Variants in ZNF695 observed in about 807,000 individuals in gnomAD.
ZNF695 encodes the protein zinc finger protein 695, also known as zinc finger protein SBZF3.
ZNF695 carries 11 observed loss-of-function variants against 11.2 expected under a neutral mutation model. The ratio of observed to expected loss-of-function variants is 0.98; its 90% confidence interval spans 0.62 to 1.62. The LOEUF (loss-of-function observed/expected upper bound fraction) is 1.62. ZNF695 is among the 40% of genes most tolerant of loss of function. ZNF695 has a pLI of 0.00. For synonymous variants in ZNF695, 190 were observed against 201.4 expected, an observed-to-expected ratio of 0.94 and a Z score of 0.48; for missense variants, 559 against 590.5, an observed-to-expected ratio of 0.95 and a Z score of 0.55.
intron 5 of ZNF695, among the ~76,000 whole-genome samples, chr1:246,958,906 T>C (rs1668076860): frequency 6.6e-6 from 1 of 151,968 alleles, no homozygotes; most frequent in Non-Finnish European, 1.5e-5. Flanking sequence ...GAAGAAGAAG[T>C]GTCTTGTAAA....
intron 3 of ZNF695, among the ~76,000 whole-genome samples, chr1:246,990,790 T>C (rs1487116431): frequency 6.6e-6 from 1 of 152,086 alleles, no homozygotes; most frequent in South Asian, 2.1e-4. Flanking sequence ...GGAATAAAAC[T>C]AGAATGAAAA....
intron 4 of ZNF695, among the ~76,000 whole-genome samples, chr1:246,976,225 G>A (rs1243242787): frequency 6.6e-6 from 1 of 152,146 alleles, no homozygotes; most frequent in Non-Finnish European, 1.5e-5. Context: ...GCAGAAACTA[G>A]ATGTGGCACA....
intron 4 of ZNF695, among the ~76,000 whole-genome samples, chr1:246,979,653 T>C (rs959585034): frequency 2.6e-5 from 4 of 152,194 alleles, no homozygotes; most frequent in African/African-American, 7.2e-5. Context: ...CTAACCATAT[T>C]TCTTAAATTA....
chr1:246,955,260 A>G (rs1324263553), intron 5 of ZNF695, among the ~76,000 whole-genome samples: 1 of 152,204 alleles, frequency 6.6e-6, no homozygotes, highest in Non-Finnish European at 1.5e-5. Context: ...AAAATAGACC[A>G]ATACAGGCCT....
chr1:246,984,844 T>C (rs1300545044), downstream of ZNF695, among the ~76,000 whole-genome samples: 7 of 152,330 alleles, frequency 4.6e-5, no homozygotes, highest in African/African-American at 1.7e-4. Flanking sequence ...AAAATCATTA[T>C]TATAATCCCT....
rs147607082 is a variant in ZNF695 at position 247,003,936 on chromosome 1, G to A, written c.4-3862C>T. Among the ~76,000 whole-genome samples the A allele has an allele frequency of 1.5e-3, 223 of 152,294 alleles. 1 individual carries two copies. Among genetic ancestry groups the A allele is most frequent in the African/African-American group, 5.0e-3 (206 of 41,560 alleles). On this transcript the variant is annotated intron_variant, in intron 1 of 3. Transcript: ENST00000339986. ...ACAGTAAAAATTTTTTCTTAGGGCC[G>A]GGCATGTGGCTCATGCCTGTAATCC...
intron 4 of ZNF695, among the ~76,000 whole-genome samples, chr1:246,974,391 A>G (rs1327937444): frequency 6.6e-6 from 1 of 150,662 alleles, no homozygotes; most frequent in African/African-American, 2.5e-5. Flanking sequence ...CAGAGCTAAG[A>G]TACAGTAGAC....
chr1:246,965,714 G>A (rs1668273444), intron 5 of ZNF695, among the ~76,000 whole-genome samples: 2 of 151,842 alleles, frequency 1.3e-5, no homozygotes, highest in Non-Finnish European at 2.9e-5. Context: ...GACCATACGA[G>A]CTGAGATCGT....
chr1:246,982,036 C>A (rs545655868), downstream of ZNF695, among the ~76,000 whole-genome samples: 25 of 152,020 alleles, frequency 1.6e-4, no homozygotes, highest in Admixed American at 2.0e-4. Context: ...TTTGAGAGGA[C>A]GAGGTGGGCG....
At chr1:246,985,246 C>T (rs1270755100), downstream of ZNF695, 1 of 971,752 alleles carries the variant, frequency 1.0e-6, no homozygotes, top group African/African-American at 1.8e-5. Context: ...TTTTGCAGGC[C>T]AGAAAAGCCA....
At chr1:247,003,159 A>G (rs995299153) in intron 1 of ZNF695, among the ~76,000 whole-genome samples, 2 of 152,232 alleles carry the variant, frequency 1.3e-5, no homozygotes, top group South Asian at 2.1e-4. Flanking sequence ...AGACACATGC[A>G]TGTGTATGTT....
intron 4 of ZNF695, chr1:246,969,355 T>C (rs368866772): frequency 6.6e-6 from 1 of 152,376 alleles, no homozygotes; most frequent in East Asian, 1.9e-4. Flanking sequence ...TGCTAAAGCA[T>C]AGCAAGAGTG....
At chr1:246,982,556 T>C (rs1255346248), downstream of ZNF695, among the ~76,000 whole-genome samples, 35 of 152,224 alleles carry the variant, frequency 2.3e-4, no homozygotes, top group Non-Finnish European at 4.4e-5. Context: ...CCTATTCTAA[T>C]TAATTATACA....
intron 4 of ZNF695, among the ~76,000 whole-genome samples, chr1:246,975,444 T>C (rs983716856): frequency 6.6e-6 from 1 of 152,240 alleles, no homozygotes; most frequent in Non-Finnish European, 1.5e-5. Context: ...TTCTAGAAGC[T>C]TAGTCTACGG....
At chr1:246,971,589 T>A (rs558872461) in intron 4 of ZNF695, among the ~76,000 whole-genome samples, 1 of 152,050 alleles carries the variant, frequency 6.6e-6, no homozygotes, top group Non-Finnish European at 1.5e-5. Flanking sequence ...GGGCTCACAC[T>A]CTTGCCTTCT....
chr1:246,974,161 C>CAAAAAAAAAA (rs912540573), intron 4 of ZNF695, among the ~76,000 whole-genome samples: 2 of 142,706 alleles, frequency 1.4e-5, no homozygotes, highest in Admixed American at 7.0e-5. Flanking sequence ...AACAAACAAA[C>CAAAAAAAAAA]AAAAAAAAAC....
chr1:246,999,839 G>A, intron 2 of ZNF695, 73 bp downstream of exon 2: 2 of 1,448,976 alleles, frequency 1.4e-6, no homozygotes, highest in South Asian at 2.4e-5. Context: ...TGAAAGCAGT[G>A]ATGTGAAACT....
At chr1:246,982,610 C>T (rs1188395766), downstream of ZNF695, among the ~76,000 whole-genome samples, 1 of 152,172 alleles carries the variant, frequency 6.6e-6, no homozygotes, top group Non-Finnish European at 1.5e-5. Context: ...TTTCTTTTAA[C>T]AAACAAACAA....
At chr1:246,985,135 C>T (rs965559363), downstream of ZNF695, among the ~76,000 whole-genome samples, 30 of 152,302 alleles carry the variant, frequency 2.0e-4, no homozygotes, top group Middle Eastern at 3.4e-3. Context: ...ACTTCAAACA[C>T]ATTACTTGCT....
Sources: gnomAD v4.1 joint callset for allele counts (sites outside exome capture counted in the v4.1 genomes callset) on GRCh38, gnomAD v4.1.1 for gene constraint, MANE v1.5 for transcripts, NCBI Gene and HGNC (gene_info 2026-07-23, HGNC 2026-07-21) for gene names.